The following MTHFD1L variants were observed in gnomAD, a reference collection of about 807,000 sequenced individuals.
MTHFD1L encodes the protein methylenetetrahydrofolate dehydrogenase (NADP+ dependent) 1 like, also known as monofunctional C1-tetrahydrofolate synthase, mitochondrial.
In MTHFD1L, 81 loss-of-function variants were observed where a neutral mutation model predicts 119.5. The observed-to-expected ratio is 0.68, with a 90% confidence interval of 0.57 to 0.82. MTHFD1L has a LOEUF of 0.82. Among genes scored for constraint, MTHFD1L ranks in the 40% least tolerant of loss-of-function variants. The pLI, the probability that MTHFD1L is intolerant of heterozygous loss-of-function variation, is 0.00. For missense variants in MTHFD1L, 1,125 were observed against 1,253.4 expected (o/e 0.90, Z 1.55); for synonymous variants, 430 against 475.2 (o/e 0.90, Z 1.24).
At chr6:150,885,569 A>G (rs769305405) in intron 5 of MTHFD1L, 65 bp from the exon 6 acceptor site, 8 of 1,181,038 alleles carry the variant, frequency 6.8e-6, no homozygotes, top group African/African-American at 6.0e-5. Flanking sequence ...ATATATGTAC[A>G]TTACACGTGA....
chr6:150,953,270 G>A (rs1795108957), intron 16 of MTHFD1L, among the ~76,000 whole-genome samples: 1 of 152,200 alleles, frequency 6.6e-6, no homozygotes, highest in Non-Finnish European at 1.5e-5. Context: ...GGCATACTGT[G>A]GATGTTCCTT....
chr6:151,055,026 G>C (rs1789660038), intron 26 of MTHFD1L: 1 of 152,150 alleles, frequency 6.6e-6, no homozygotes, highest in Non-Finnish European at 1.5e-5. Context: ...AGCACTTTGA[G>C]AGGCTGAGGC....
intron 20 of MTHFD1L, among the ~76,000 whole-genome samples, chr6:150,990,332 G>A (rs803509): frequency 0.53 from 81,090 of 151,862 alleles, 22,838 homozygotes; most frequent in African/African-American, 0.7. Flanking sequence ...CTAATTGTAA[G>A]TATCAGAACA....
chr6:150,893,562 T>C (rs1324758488), intron 7 of MTHFD1L, among the ~76,000 whole-genome samples: 2 of 152,210 alleles, frequency 1.3e-5, no homozygotes, highest in African/African-American at 4.8e-5. Flanking sequence ...GTACCTGACA[T>C]GGAACAAGAC....
At chr6:150,894,839 C>T (rs1783954455) in intron 7 of MTHFD1L, among the ~76,000 whole-genome samples, 1 of 152,194 alleles carries the variant, frequency 6.6e-6, no homozygotes, top group East Asian at 1.9e-4. Context: ...CCACAGAAAC[C>T]AGAATAGACT....
chr6:150,879,624 GTTTTTTTTTT>G (rs551381943), intron 4 of MTHFD1L, among the ~76,000 whole-genome samples: 3 of 107,870 alleles, frequency 2.8e-5, no homozygotes, highest in East Asian at 5.6e-4. Context: ...TGCCACTGGT[GTTTTTTTTTT>G]TTTTTTTTTT....
At chr6:150,928,378 G>A (rs1406148888) in intron 11 of MTHFD1L, among the ~76,000 whole-genome samples, 1 of 148,902 alleles carries the variant, frequency 6.7e-6, no homozygotes, top group Admixed American at 6.7e-5. Context: ...GGAGCTTGCG[G>A]TGAGCCAAGA....
Position 151,055,324 on chromosome 6 carries a change from G to T in MTHFD1L, c.2847+18207G>T, listed in dbSNP as rs564252006. ...GAGCACTTACTAGGTGCCAGCTAGTGCTCTGAGTGCTTTGTGTGTATTAAC... is the reference window on the plus strand; with the variant it reads ...GAGCACTTACTAGGTGCCAGCTAGTTCTCTGAGTGCTTTGTGTGTATTAAC... On this transcript the variant is annotated intron_variant, in intron 26 of 27. Transcript: ENST00000367321. Among the ~76,000 whole-genome samples the T allele has an allele frequency of 7.4e-4, 113 of 152,128 alleles. 2 individuals are homozygous for T. The highest frequency in any genetic ancestry group is 2.7e-3 in the African/African-American group (110 of 41,508).
chr6:150,888,911 A>G (rs1219964273), intron 7 of MTHFD1L, among the ~76,000 whole-genome samples: 1 of 152,258 alleles, frequency 6.6e-6, no homozygotes, highest in Non-Finnish European at 1.5e-5. Context: ...GTGGTGGCTC[A>G]TGCCTGTAAT....
chr6:150,870,948 C>CAT lies in MTHFD1L; in HGVS notation c.227+4912_227+4913dup, dbSNP rs1045256559. Among the ~76,000 whole-genome samples, 41 of 134,790 alleles carry CAT rather than the reference C, an allele frequency of 3.0e-4. 1 individual carries two copies. Among genetic ancestry groups the CAT allele is most frequent in the Admixed American group, 7.5e-4 (10 of 13,370 alleles). 88.4% of individuals were successfully genotyped at this position (134,790 alleles called of 152,430 possible). A position where few individuals can be genotyped will look rare whatever the true frequency, so the allele number is the denominator to read the frequency against. On this transcript the variant is annotated intron_variant, in intron 1 of 27. Transcript: ENST00000367321. ...AAACAAAACAAAAAAACCCAAAAAA[C>CAT]ATATATATATATATTATATATATAA...
At chr6:150,923,533 A>ATTTATTTATTTATTTATTTATTTATTTT (rs1411950846) in intron 10 of MTHFD1L, among the ~76,000 whole-genome samples, 3 of 100,716 alleles carry the variant, frequency 3.0e-5, no homozygotes, top group African/African-American at 5.0e-5. Context: ...TTATTTATTT[A>ATTTATTTATTTATTTATTTATTTATTTT]TTTATTTTTT....
Position 151,013,829 on chromosome 6 carries a change from A to G in MTHFD1L, c.2307+9A>G. On this transcript the variant is annotated intron_variant, in intron 22 of 27. Transcript: ENST00000367321. ...AAGAATATACAGAGGAGGTAAGAGG[A>G]GCTGTTTAGATGCTTATGTGAAGAA... 6.2e-7 allele frequency: 1 copy of G among 1,609,578 alleles called. No individual in the cohort carries two copies. Among genetic ancestry groups the G allele is most frequent in the Non-Finnish European group, 8.5e-7 (1 of 1,176,652 alleles).
At chr6:151,082,455 A>G (rs1449030450) in intron 26 of MTHFD1L, among the ~76,000 whole-genome samples, 4 of 152,238 alleles carry the variant, frequency 2.6e-5, no homozygotes, top group African/African-American at 9.6e-5. Flanking sequence ...TTTGATTGCC[A>G]TAAATAAGAA....
intron 8 of MTHFD1L, 113 bp from the exon 9 acceptor site, chr6:150,918,464 C>A: frequency 1.3e-6 from 1 of 798,832 alleles, no homozygotes; most frequent in Non-Finnish European, 2.2e-6. Flanking sequence ...GACATCCTAA[C>A]TTCCTTGGTG....
chr6:151,045,738 T>A (rs560701336), intron 26 of MTHFD1L, among the ~76,000 whole-genome samples: 1 of 152,304 alleles, frequency 6.6e-6, no homozygotes, highest in South Asian at 2.1e-4. Flanking sequence ...GGTTCTTCCC[T>A]ATCTCTACAT....
chr6:151,059,206 G>A (rs1204455874), intron 26 of MTHFD1L, among the ~76,000 whole-genome samples: 5 of 151,860 alleles, frequency 3.3e-5, no homozygotes, highest in African/African-American at 1.2e-4. Flanking sequence ...TGGTGGTGGT[G>A]GTGGTGGTTG....
intron 1 of MTHFD1L, among the ~76,000 whole-genome samples, chr6:150,873,882 A>G (rs1339254330): frequency 2.0e-5 from 3 of 152,020 alleles, no homozygotes; most frequent in African/African-American, 7.2e-5. Flanking sequence ...GTTGGCCAGG[A>G]TGGTCTCAAA....
intron 27 of MTHFD1L, among the ~76,000 whole-genome samples, chr6:151,093,987 C>T (rs912665705): frequency 3.9e-5 from 6 of 152,158 alleles, no homozygotes; most frequent in African/African-American, 1.4e-4. Context: ...TGCAGCCATA[C>T]CTGCTGGCTT....
At chr6:150,991,045 C>T (rs754536135) in intron 20 of MTHFD1L, among the ~76,000 whole-genome samples, 6 of 151,928 alleles carry the variant, frequency 3.9e-5, no homozygotes, top group Non-Finnish European at 8.8e-5. Context: ...TTAGTAGAGA[C>T]GGAGTTTCGC....
Sources: allele counts gnomAD v4.1 joint callset (sites outside exome capture counted in the v4.1 genomes callset), GRCh38; gene constraint gnomAD v4.1.1; transcripts MANE v1.5; gene names NCBI Gene and HGNC (gene_info 2026-07-23, HGNC 2026-07-21).